The following HSPA12A variants were observed in gnomAD, a reference collection of about 807,000 sequenced individuals.
The protein encoded by HSPA12A is heat shock protein family A (Hsp70) member 12A, also known as heat shock 70 kDa protein 12A.
HSPA12A carries 28 observed loss-of-function variants against 69.2 expected under a neutral mutation model. That is an observed-to-expected ratio of 0.40 (90% confidence interval 0.30 to 0.55). The LOEUF (loss-of-function observed/expected upper bound fraction) is 0.55. Ranked by LOEUF, HSPA12A falls within the 20% of genes least tolerant of loss-of-function variation. The pLI is 0.38. For missense variants in HSPA12A, 686 were observed against 900.7 expected (o/e 0.76, Z 3.05); for synonymous variants, 345 against 370.5 (o/e 0.93, Z 0.79).
At chr10:116,784,385 G>A (rs1173186596) in intron 2 of HSPA12A, among the ~76,000 whole-genome samples, 1 of 152,262 alleles carries the variant, frequency 6.6e-6, no homozygotes, top group African/African-American at 2.4e-5. Flanking sequence ...CTGTTCTGCA[G>A]AGCATTTTTC....
intron 2 of HSPA12A, among the ~76,000 whole-genome samples, chr10:116,755,017 G>A (rs1482800901): frequency 4.6e-5 from 7 of 151,990 alleles, no homozygotes; most frequent in South Asian, 2.1e-4. Context: ...GCAGTGGCAC[G>A]ATCTTAGCTC....
At chr10:116,748,738 T>A (rs1437388261) in intron 2 of HSPA12A, among the ~76,000 whole-genome samples, 3 of 152,034 alleles carry the variant, frequency 2.0e-5, no homozygotes, top group Non-Finnish European at 4.4e-5. Flanking sequence ...TATAAAACCA[T>A]CAGATTTCAT....
intron 2 of HSPA12A, among the ~76,000 whole-genome samples, chr10:116,813,290 T>C (rs1049976650): frequency 6.9e-6 from 1 of 145,564 alleles, no homozygotes; most frequent in Non-Finnish European, 1.5e-5. Context: ...CTGTTGCCCA[T>C]GCTGGAGTGC....
chr10:116,709,484 T>C (rs1272295998), intron 1 of HSPA12A, among the ~76,000 whole-genome samples: 1 of 148,584 alleles, frequency 6.7e-6, no homozygotes, highest in Non-Finnish European at 1.5e-5. Context: ...ATAAACCAAA[T>C]GTGGTATATC....
At chr10:116,732,449 G>A (rs1661584228) in intron 1 of HSPA12A, among the ~76,000 whole-genome samples, 1 of 152,064 alleles carries the variant, frequency 6.6e-6, no homozygotes, top group Admixed American at 6.6e-5. Flanking sequence ...GATCCTCACT[G>A]TAAAGTTACC....
At chr10:116,785,904 G>T (rs1278333063) in intron 2 of HSPA12A, among the ~76,000 whole-genome samples, 3 of 151,876 alleles carry the variant, frequency 2.0e-5, no homozygotes, top group South Asian at 2.1e-4. Context: ...TAGACTGCAG[G>T]CCCACCCCAT....
Position 116,802,091 on chromosome 10 carries a change from C to T in HSPA12A, c.91+32844G>A, listed in dbSNP as rs188044939. ...CTTTGGGAGAACAAGATGGCAGCAT[C>T]CACCAAAATGTAAAACATGCTCACC... On this transcript the variant is annotated intron_variant, in intron 2 of 12. Coordinates refer to the HSPA12A transcript ENST00000635765. 6.4e-4 allele frequency among the ~76,000 whole-genome samples: 97 copies of T among 152,314 alleles called. 1 individual carries two copies. The highest frequency in any genetic ancestry group is 2.2e-3 in the African/African-American group (92 of 41,566).
At chr10:116,818,510 C>T (rs1231990084) in intron 2 of HSPA12A, among the ~76,000 whole-genome samples, 10 of 151,540 alleles carry the variant, frequency 6.6e-5, no homozygotes, top group African/African-American at 1.9e-4. Flanking sequence ...ACTCTGGGCC[C>T]GCCCCATAGT....
intron 2 of HSPA12A, among the ~76,000 whole-genome samples, chr10:116,705,556 C>T (rs569083574): frequency 6.2e-4 from 95 of 152,376 alleles, no homozygotes; most frequent in African/African-American, 2.2e-3. Flanking sequence ...CGTGCCCGCA[C>T]ACGGCTAGTT....
chr10:116,746,099 C>T (rs563560204), upstream of HSPA12A, among the ~76,000 whole-genome samples: 1 of 152,176 alleles, frequency 6.6e-6, no homozygotes, highest in Non-Finnish European at 1.5e-5. Context: ...AAAACAGCCT[C>T]CTCAGCTTCA....
At chr10:116,719,380 C>T (rs1850705624) in intron 1 of HSPA12A, among the ~76,000 whole-genome samples, 1 of 152,198 alleles carries the variant, frequency 6.6e-6, no homozygotes, top group Non-Finnish European at 1.5e-5. Flanking sequence ...CCTGCAGCTG[C>T]CACCTTGCCA....
chr10:116,742,199 C>T (rs1554887283), intron 1 of HSPA12A, among the ~76,000 whole-genome samples: 1 of 151,948 alleles, frequency 6.6e-6, no homozygotes, highest in African/African-American at 2.4e-5. Flanking sequence ...CCGCGGAGTC[C>T]GCACCCTGGC....
intron 1 of HSPA12A, 151 bp from the exon 2 acceptor site, chr10:116,707,436 G>A (rs1239123230): frequency 3.1e-6 from 2 of 650,118 alleles, no homozygotes; most frequent in Non-Finnish European, 5.4e-6. Flanking sequence ...CAGCCAGGAA[G>A]GCAGGAACAT....
At chr10:116,730,398 T>C (rs1176809896) in intron 1 of HSPA12A, among the ~76,000 whole-genome samples, 1 of 152,158 alleles carries the variant, frequency 6.6e-6, no homozygotes, top group Non-Finnish European at 1.5e-5. Context: ...ACCAGGACTT[T>C]CTAACTGAGC....
Position 116,680,331 on chromosome 10 carries a change from T to C in HSPA12A, c.1028-570A>G. Among the ~76,000 whole-genome samples, 2 of 152,150 alleles carry C rather than the reference T, an allele frequency of 1.3e-5. 1 individual carries two copies. Among genetic ancestry groups the C allele is most frequent in the Admixed American group, 1.3e-4 (2 of 15,284 alleles). On this transcript the variant is annotated intron_variant, in intron 9 of 11. Coordinates refer to ENST00000369209, the MANE Select transcript of HSPA12A (RefSeq NM_025015.3). ...TCAATTACATTTTTTAAAAAATCAA[T>C]AATTTTATCTAACTAGGACCATTAT...
At chr10:116,725,316 G>T (rs567794327) in intron 1 of HSPA12A, among the ~76,000 whole-genome samples, 2 of 152,300 alleles carry the variant, frequency 1.3e-5, no homozygotes, top group Admixed American at 6.5e-5. Flanking sequence ...GGAGCACTCT[G>T]CTAGGGTCCC....
chr10:116,765,599 CAT>C, intron 2 of HSPA12A, among the ~76,000 whole-genome samples: 1 of 152,312 alleles, frequency 6.6e-6, no homozygotes, highest in Non-Finnish European at 1.5e-5. Context: ...TTTAGAGGTA[CAT>C]GAGTGTTGAT....
intron 1 of HSPA12A, among the ~76,000 whole-genome samples, chr10:116,712,850 A>G (rs1850477484): frequency 6.6e-6 from 1 of 151,788 alleles, no homozygotes; most frequent in South Asian, 2.1e-4. Context: ...GGTGGTCTCA[A>G]CAATAGTGAC....
chr10:116,847,125 C>T (rs1393205471), intron 1 of HSPA12A, among the ~76,000 whole-genome samples: 1 of 152,180 alleles, frequency 6.6e-6, no homozygotes, highest in African/African-American at 2.4e-5. Flanking sequence ...CATCTAACAC[C>T]CAATGCATCA....
Sources: allele counts gnomAD v4.1 joint callset (sites outside exome capture counted in the v4.1 genomes callset), GRCh38; gene constraint gnomAD v4.1.1; transcripts MANE v1.5; gene names NCBI Gene and HGNC (gene_info 2026-07-23, HGNC 2026-07-21).